DDX31: variants seen among roughly 807,000 people sequenced by gnomAD.
The protein encoded by DDX31 is ATP-dependent DNA helicase DDX31.
In DDX31, 70 loss-of-function variants were observed where a neutral mutation model predicts 91.3. The ratio of observed to expected loss-of-function variants is 0.77; its 90% CI spans 0.63 to 0.94. The LOEUF is 0.94. Ranked by LOEUF, DDX31 falls within the 40% of genes least tolerant of loss-of-function variation. The probability of loss-of-function intolerance (pLI) is 0.00; values close to 1 mark genes in which losing one functional copy is unlikely to be tolerated. For missense variants in DDX31, 902 were observed against 925.0 expected (o/e 0.98, Z 0.32); for synonymous variants, 362 against 350.6 (o/e 1.03, Z -0.36).
At chr9:132,664,228 T>A (rs1564343177) in intron 1 of DDX31, among the ~76,000 whole-genome samples, 1 of 152,208 alleles carries the variant, frequency 6.6e-6, no homozygotes, top group Non-Finnish European at 1.5e-5. Context: ...TCTTAACACA[T>A]AACATTCCTT....
chr9:132,619,177 T>A (rs1831837177), intron 17 of DDX31, among the ~76,000 whole-genome samples: 1 of 152,244 alleles, frequency 6.6e-6, no homozygotes, highest in Admixed American at 6.5e-5. Flanking sequence ...TTTCATCCTT[T>A]AACAGTACCA....
chr9:132,644,771 C>A (rs142689890), intron 13 of DDX31, among the ~76,000 whole-genome samples: 1 of 152,110 alleles, frequency 6.6e-6, no homozygotes, highest in Non-Finnish European at 1.5e-5. Flanking sequence ...AAACCATTAA[C>A]GGTATTAAAT....
intron 18 of DDX31, among the ~76,000 whole-genome samples, chr9:132,614,535 G>A (rs1831524856): frequency 6.6e-6 from 1 of 152,018 alleles, no homozygotes; most frequent in Non-Finnish European, 1.5e-5. Context: ...AAGTCAAGCC[G>A]AAACCATGCC....
intron 19 of DDX31, among the ~76,000 whole-genome samples, chr9:132,601,152 T>C (rs896990815): frequency 6.6e-6 from 1 of 152,144 alleles, no homozygotes; most frequent in Non-Finnish European, 1.5e-5. Flanking sequence ...TGTTTGACAC[T>C]GTGGGTGAAC....
At position 132,623,569 on chromosome 9, in the gene DDX31, GA is replaced by G. The variant is rs71376647; in HGVS notation, c.1713+2094del. Among the ~76,000 whole-genome samples the G allele has an allele frequency of 6.9e-3, 817 of 118,470 alleles. 8 individuals carry two copies. Among genetic ancestry groups the G allele is most frequent in the African/African-American group, 0.022 (679 of 30,960 alleles). 77.7% of individuals were successfully genotyped at this position (118,470 alleles called of 152,430 possible). A position where few individuals can be genotyped will look rare whatever the true frequency, so the allele number is the denominator to read the frequency against. ...TCCATCTCAAAAAAAAAAAAAAAAA[GA>G]AAAAAAAAAGAAAAAAGAAAAAAGA... On this transcript the variant is annotated intron_variant, in intron 17 of 19. Coordinates refer to ENST00000372159, the MANE Select transcript of DDX31 (RefSeq NM_022779.9).
At chr9:132,602,390 A>T (rs138360131) in intron 19 of DDX31, among the ~76,000 whole-genome samples, 245 of 152,350 alleles carry the variant, frequency 1.6e-3, no homozygotes, top group African/African-American at 5.5e-3. Context: ...GACAGGGCAG[A>T]CAGCTGTTTA....
At chr9:132,607,908 C>T (rs1193621353) in intron 19 of DDX31, among the ~76,000 whole-genome samples, 1 of 152,162 alleles carries the variant, frequency 6.6e-6, no homozygotes, top group Non-Finnish European at 1.5e-5. Flanking sequence ...GAGAGAGAAT[C>T]GTGGCCCTAT....
At chr9:132,648,392 CCTT>C in intron 10 of DDX31, 37 bp downstream of exon 10, 1 of 1,608,976 alleles carries the variant, frequency 6.2e-7, no homozygotes, top group Non-Finnish European at 8.5e-7. Flanking sequence ...GAGAAACAGC[CCTT>C]CTCTTCTACC....
intron 6 of DDX31, among the ~76,000 whole-genome samples, chr9:132,653,932 T>C (rs1834387681): frequency 6.6e-6 from 1 of 152,114 alleles, no homozygotes; most frequent in Non-Finnish European, 1.5e-5. Flanking sequence ...ATAATGATAC[T>C]GGCACATGAA....
chr9:132,597,504 T>A, intron 19 of DDX31, among the ~76,000 whole-genome samples: 1 of 152,374 alleles, frequency 6.6e-6, no homozygotes, highest in East Asian at 1.9e-4. Context: ...TTTCAAAATA[T>A]GCAAAATTTC....
intron 19 of DDX31, among the ~76,000 whole-genome samples, chr9:132,611,178 G>A (rs1237479061): frequency 2.0e-5 from 3 of 152,170 alleles, no homozygotes; most frequent in Admixed American, 6.5e-5. Context: ...GTAAATTAAC[G>A]TGGAAAAGGG....
At chr9:132,621,318 T>C (rs1832017426) in intron 17 of DDX31, among the ~76,000 whole-genome samples, 1 of 152,230 alleles carries the variant, frequency 6.6e-6, no homozygotes, top group Non-Finnish European at 1.5e-5. Flanking sequence ...ATCACTTTAT[T>C]GCCAAGCTGA....
intron 19 of DDX31, among the ~76,000 whole-genome samples, chr9:132,604,061 T>C (rs1484346159): frequency 6.6e-6 from 1 of 152,216 alleles, no homozygotes; most frequent in Non-Finnish European, 1.5e-5. Context: ...CCACAGCACC[T>C]GACCGTAGAA....
intron 19 of DDX31, among the ~76,000 whole-genome samples, chr9:132,598,585 C>T (rs570233177): frequency 6.6e-6 from 1 of 152,342 alleles, no homozygotes; most frequent in Admixed American, 6.5e-5. Context: ...CAATATACCC[C>T]GTTACAATGA....
At chr9:132,622,546 G>A (rs1188074526) in intron 17 of DDX31, among the ~76,000 whole-genome samples, 1 of 152,214 alleles carries the variant, frequency 6.6e-6, no homozygotes, top group African/African-American at 2.4e-5. Context: ...CAGACACACA[G>A]TGATCAACTC....
chr9:132,595,009 GC>G lies in DDX31; in HGVS notation c.2097del (p.Lys699AsnfsTer29). 6.2e-7 allele frequency: 1 copy of G among 1,614,222 alleles called. No homozygotes were observed. The highest frequency in any genetic ancestry group is 8.5e-7 in the Non-Finnish European group (1 of 1,180,044). ...CCACCAGGCTCTCCAGGTGCGTTTT[GC>G]TTTTTGACCTTGGCGATGTCGGCCT... ...GMEADIAKVK[K>X]QNAPGEPGGR... On this transcript the variant is annotated frameshift_variant, in exon 20 of 20. Coordinates refer to ENST00000372159, the MANE Select transcript of DDX31 (RefSeq NM_022779.9). LOFTEE classifies it low-confidence loss of function (END_TRUNC). The surrounding 1 kb of genome is among the most constrained non-coding windows in gnomAD (Gnocchi z 4.6).
At chr9:132,652,168 G>GT (rs201190664) in intron 7 of DDX31, among the ~76,000 whole-genome samples, 2,275 of 151,276 alleles carry the variant, frequency 0.015, 54 homozygotes, top group African/African-American at 0.052. Flanking sequence ...ATTTCTGTAG[G>GT]TTTTTTTTTA....
chr9:132,607,136 G>A (rs1326084450), intron 19 of DDX31, among the ~76,000 whole-genome samples: 1 of 152,196 alleles, frequency 6.6e-6, no homozygotes, highest in Non-Finnish European at 1.5e-5. Context: ...GGAGGTTAAG[G>A]AAATCCTCTG....
chr9:132,658,328 C>T (rs1834702175), intron 6 of DDX31: 1 of 703,154 alleles, frequency 1.4e-6, no homozygotes. Context: ...AGCCTCTGTT[C>T]TTCTTCGTAA....
Sources: gnomAD v4.1 joint callset for allele counts (sites outside exome capture counted in the v4.1 genomes callset) on GRCh38, gnomAD v4.1.1 for gene constraint, Gnocchi (gnomAD v3.1) non-coding constraint, MANE v1.5 for transcripts, NCBI Gene and HGNC (gene_info 2026-07-23, HGNC 2026-07-21) for gene names.